OR6F1: variants seen among roughly 807,000 people sequenced by gnomAD.
The protein encoded by OR6F1 is olfactory receptor 6F1.
For synonymous variants in OR6F1, 144 were observed against 150.0 expected (o/e 0.96, Z 0.29); for missense variants, 346 against 376.0 (o/e 0.92, Z 0.66).
In OR6F1 at chr1:247,712,018, G is replaced by T. The variant is rs372082158; in HGVS notation, c.738C>A (p.Thr246=). The change falls in exon 3 of 3, where the codon ACC becomes ACA. Residue 246 remains threonine, a synonymous_variant. Transcript: ENST00000641470. ...TGGACCCATACCAAATGAGCACCAC[G>T]GTGAGATGCGAGGAGCACGTGGAGA... ...KAFSTCSSHL[T]VVLIWYGSTV... is the part of the protein sequence containing the mutation. 12 of 1,614,064 alleles carry T rather than the reference G, an allele frequency of 7.4e-6. No homozygotes were observed. The African/African-American group carries it at 1.6e-4, about 22-fold the overall frequency.
chr1:247,712,372 A>G lies in OR6F1; in HGVS notation c.384T>C (p.Tyr128=). The part of the protein sequence containing the change: ...MAYDRCLAIC[Y]PLHYGAIMSS... ...TCATGATGGCTCCGTAGTGTAAAGG[A>G]TAGCAGATGGCAAGACAGCGGTCAT... The change falls in exon 3 of 3, where the codon TAT becomes TAC. Residue 128 remains tyrosine (Y), a synonymous_variant. Coordinates refer to ENST00000641470, the MANE Select transcript of OR6F1 (RefSeq NM_001005286.2). 2 of 1,614,210 alleles carry G rather than the reference A, an allele frequency of 1.2e-6. No homozygotes were observed. The highest frequency in any genetic ancestry group is 1.7e-6 in the Non-Finnish European group (2 of 1,180,010).
rs186448627 is a variant in OR6F1, at chr1:247,716,411, T to G, written c.-207A>C. On this transcript the variant is annotated 5_prime_UTR_variant, in exon 1 of 3. Coordinates refer to ENST00000641470, the MANE Select transcript of OR6F1 (RefSeq NM_001005286.2). Reference sequence around the variant, plus strand: ...TTTACTCATTTTTTATTCCATGATTTTCTTTATTTAAAAATAATATATTTT... The same window carrying G: ...TTTACTCATTTTTTATTCCATGATTGTCTTTATTTAAAAATAATATATTTT... 2 of 152,344 alleles carry G rather than the reference T, an allele frequency of 1.3e-5. No individual in the cohort carries two copies. Among genetic ancestry groups the G allele is most frequent in the African/African-American group, 4.8e-5 (2 of 41,580 alleles). 9.4% of individuals were successfully genotyped at this position (152,344 alleles called of 1,614,324 possible).
At position 247,712,466 on chromosome 1, in the gene OR6F1, C is replaced by T. The variant is rs1248060144; in HGVS notation, c.290G>A (p.Cys97Tyr). 1.2e-6 allele frequency: 2 copies of T among 1,614,174 alleles called. No homozygotes were observed. The highest frequency in any genetic ancestry group is 1.7e-5 in the Admixed American group (1 of 60,030). ...GAAAACAAAGTACATCTGCAAAAGA[C>T]AGCTTGTAAATGATATGGTCTGACT... ...GRSQTISFTS[C>Y]LLQMYFVFSL... is the part of the protein sequence containing the mutation. Residue 97 changes from cysteine to tyrosine, a missense_variant, in exon 3 of 3, where the codon TGT becomes TAT. By Grantham distance (194) the Cys-to-Tyr change is radical (BLOSUM62 -2). Transcript: ENST00000641470.
Position 247,712,424 on chromosome 1 carries a change from TC to T in OR6F1, c.331del (p.Glu111SerfsTer26). 6.2e-7 allele frequency: 1 copy of T among 1,614,034 alleles called. No homozygotes were observed. Among genetic ancestry groups the T allele is most frequent in the Non-Finnish European group, 8.5e-7 (1 of 1,179,844 alleles). On this transcript the variant is annotated frameshift_variant, in exon 3 of 3. Coordinates refer to ENST00000641470, the MANE Select transcript of OR6F1 (RefSeq NM_001005286.2). LOFTEE classifies it low-confidence loss of function (END_TRUNC). ...MYFVFSLGCTEYFLLAAMAYD... is the reference protein window; with the variant it reads ...MYFVFSLGCTXYFLLAAMAYD... ...AGCCATGGCTGCCAGGAGGAAGTACTCTGTGCAGCCTAATGAGAAAACAAAG... is the reference window on the plus strand; with the variant it reads ...AGCCATGGCTGCCAGGAGGAAGTACTTGTGCAGCCTAATGAGAAAACAAAG...
chr1:247,715,388 C>G (rs1337904203), intron 1 of OR6F1, among the ~76,000 whole-genome samples: 2 of 152,122 alleles, frequency 1.3e-5, no homozygotes, highest in Non-Finnish European at 2.9e-5. Context: ...ATTCAAAAAT[C>G]ATTTTGATAA....
At chr1:247,713,518 C>CA (rs1185534767) in intron 2 of OR6F1, among the ~76,000 whole-genome samples, 4 of 152,106 alleles carry the variant, frequency 2.6e-5, no homozygotes, top group Admixed American at 2.0e-4. Flanking sequence ...AGGTGAAGGG[C>CA]AAAAAATCAT....
chr1:247,715,959 A>G (rs1572463287), intron 1 of OR6F1, among the ~76,000 whole-genome samples: 1 of 152,136 alleles, frequency 6.6e-6, no homozygotes, highest in East Asian at 1.9e-4. Context: ...TGTGATTACA[A>G]ATTTACCCAT....
At position 247,712,237 on chromosome 1, in the gene OR6F1, G is replaced by A; in HGVS notation, c.519C>T (p.Ala173=). 6.2e-7 allele frequency: 1 copy of A among 1,614,220 alleles called. No homozygotes were observed. Among genetic ancestry groups the A allele is most frequent in the Non-Finnish European group, 8.5e-7 (1 of 1,180,028 alleles). ...ISGLSFCGPR[A]INHFFCDIAP... The stretch of plus-strand genomic sequence containing the variant: ...CAATGTCACAGAAGAAGTGGTTGAT[G>A]GCACGGGGGCCACAGAAGGACAGGC... Residue 173 remains alanine, a synonymous_variant, in exon 3 of 3, where the codon GCC becomes GCT. Coordinates refer to ENST00000641470, the MANE Select transcript of OR6F1 (RefSeq NM_001005286.2).
In OR6F1 at chr1:247,712,789, A is replaced by G; in HGVS notation, c.-34T>C. Reference sequence around the variant, plus strand: ...TGAAACCAGAAAACAGAGTCCCCGCACTGAGCCCTTTAACCCAATCACACA... The same window carrying G: ...TGAAACCAGAAAACAGAGTCCCCGCGCTGAGCCCTTTAACCCAATCACACA... On this transcript the variant is annotated 5_prime_UTR_variant, in exon 3 of 3. Coordinates refer to ENST00000641470, the MANE Select transcript of OR6F1 (RefSeq NM_001005286.2). 7.8e-7 allele frequency: 1 copy of G among 1,289,098 alleles called. No individual in the cohort carries two copies. The highest frequency in any genetic ancestry group is 2.3e-5 in the East Asian group (1 of 43,374). 79.9% of individuals were successfully genotyped at this position (1,289,098 alleles called of 1,614,324 possible).
Position 247,712,251 on chromosome 1 carries a change from A to C in OR6F1, c.505T>G (p.Cys169Gly). The change falls in exon 3 of 3, where the codon TGT (cysteine) becomes GGT (glycine). Residue 169 changes from cysteine (C) to glycine (G), a missense_variant. Cys to Gly is a radical substitution (Grantham distance 159). Transcript: ENST00000641470. ...PTALISGLSF[C>G]GPRAINHFFC... ...AAGTGGTTGATGGCACGGGGGCCAC[A>C]GAAGGACAGGCCACTGATGAGGGCT... The C allele has an allele frequency of 6.2e-7, 1 of 1,614,224 alleles. No homozygotes were observed. The highest frequency in any genetic ancestry group is 8.5e-7 in the Non-Finnish European group (1 of 1,180,030).
chr1:247,714,465 G>A (rs1478504782), intron 1 of OR6F1, among the ~76,000 whole-genome samples: 1 of 151,648 alleles, frequency 6.6e-6, no homozygotes, highest in African/African-American at 2.4e-5. Flanking sequence ...CAAATTTATT[G>A]TATTTTTGTT....
chr1:247,712,001 T>C lies in OR6F1; in HGVS notation c.755A>G (p.Tyr252Cys), dbSNP rs1265868262. 1.2e-6 allele frequency: 2 copies of C among 1,614,052 alleles called. No homozygotes were observed. The highest frequency in any genetic ancestry group is 1.7e-6 in the Non-Finnish European group (2 of 1,180,028). The change falls in exon 3 of 3, where the codon TAT becomes TGT. Residue 252 changes from tyrosine to cysteine, a missense_variant. Tyr to Cys is a radical substitution (Grantham distance 194). Coordinates refer to ENST00000641470, the MANE Select transcript of OR6F1 (RefSeq NM_001005286.2). ...SSHLTVVLIW[Y>C]GSTVFLHVRT... ...GACGTGAAGGAAAACTGTGGACCCA[T>C]ACCAAATGAGCACCACGGTGAGATG... is the stretch of plus-strand genomic sequence containing the variant.
At chr1:247,715,623 A>G (rs1660092273) in intron 1 of OR6F1, among the ~76,000 whole-genome samples, 1 of 152,244 alleles carries the variant, frequency 6.6e-6, no homozygotes, top group African/African-American at 2.4e-5. Context: ...ATGTGACTTA[A>G]CAAGAGCTTA....
At chr1:247,715,974 C>T (rs1031515693) in intron 1 of OR6F1, among the ~76,000 whole-genome samples, 10 of 152,050 alleles carry the variant, frequency 6.6e-5, no homozygotes, top group Non-Finnish European at 1.5e-4. Context: ...ACCCATCTGG[C>T]GGACGTGGTG....
intron 1 of OR6F1, 51 bp from the exon 2 acceptor site, chr1:247,714,005 A>T (rs1019102408): frequency 2.5e-6 from 1 of 398,578 alleles, no homozygotes; most frequent in Non-Finnish European, 4.4e-6. Flanking sequence ...CTTGACATGC[A>T]GCCTATGGTT....
rs748745738 is a variant in OR6F1 at position 247,712,802 on chromosome 1, A to T, written c.-47T>A. On this transcript the variant is annotated 5_prime_UTR_variant, in exon 3 of 3. Coordinates refer to ENST00000641470, the MANE Select transcript of OR6F1 (RefSeq NM_001005286.2). ...CAGAGTCCCCGCACTGAGCCCTTTAACCCAATCACACAGTCCTAGAAAGAT... is the reference window on the plus strand; with the variant it reads ...CAGAGTCCCCGCACTGAGCCCTTTATCCCAATCACACAGTCCTAGAAAGAT... The T allele has an allele frequency of 7.2e-6, 7 of 975,544 alleles. No individual in the cohort carries two copies. In the African/African-American group the frequency reaches 1.1e-4, roughly 16 times the overall value. 60.4% of individuals were successfully genotyped at this position (975,544 alleles called of 1,614,324 possible).
intron 2 of OR6F1, 84 bp from the exon 3 acceptor site, chr1:247,712,901 A>G: frequency 1.8e-6 from 1 of 564,190 alleles, no homozygotes; most frequent in Admixed American, 3.2e-5. Context: ...CTTTCATTGA[A>G]TGCCTGCTCT....
At position 247,711,969 on chromosome 1, in the gene OR6F1, A is replaced by G. The variant is rs898606340; in HGVS notation, c.787T>C (p.Ser263Pro). 2 of 1,614,056 alleles carry G rather than the reference A, an allele frequency of 1.2e-6. No individual in the cohort carries two copies. Among genetic ancestry groups the G allele is most frequent in the Non-Finnish European group, 1.7e-6 (2 of 1,180,000 alleles). The part of the protein sequence containing the change: ...GSTVFLHVRT[S>P]IKDALDLIKA... ...ATCAGATCCAAGGCATCTTTGATAG[A>G]GGTGCGGACGTGAAGGAAAACTGTG... The change falls in exon 3 of 3, where the codon TCT becomes CCT. Residue 263 changes from serine (S) to proline (P), a missense_variant. Physicochemically the swap from Ser to Pro is moderately conservative, Grantham distance 74. Transcript: ENST00000641470.
Position 247,713,889 on chromosome 1 carries a change from A to G in OR6F1, c.-63+2T>C. ...AGTAAACGGTGCATACATTGGCTTT[A>G]CCTCATTGATGGCAGAAGGGGCTTC... On this transcript the variant is annotated splice_donor_variant, in intron 2 of 2. Transcript: ENST00000641470. LOFTEE classifies it low-confidence loss of function (5UTR_SPLICE). The G allele has an allele frequency of 2.5e-6, 1 of 398,618 alleles. No individual in the cohort carries two copies. Among genetic ancestry groups the G allele is most frequent in the East Asian group, 3.6e-5 (1 of 28,066 alleles). The allele number at this position is 398,618 out of a possible 1,614,324, so 24.7% of individuals were successfully genotyped here.
Sources: gnomAD v4.1 joint callset for allele counts (sites outside exome capture counted in the v4.1 genomes callset) on GRCh38, gnomAD v4.1.1 for gene constraint, MANE v1.5 for transcripts, NCBI Gene and HGNC (gene_info 2026-07-23, HGNC 2026-07-21) for gene names.